CSMD3: variants seen among roughly 807,000 people sequenced by gnomAD.
CSMD3 encodes the protein CUB and Sushi multiple domains 3.
Under a neutral mutation model 435.2 loss-of-function variants are expected in CSMD3, and 177 were observed. The observed-to-expected ratio is 0.41, with a 90% CI of 0.36 to 0.46. The LOEUF (loss-of-function observed/expected upper bound fraction) is 0.46, where lower values mean the gene tolerates loss of function less well. Ranked by LOEUF, CSMD3 falls within the 20% of genes least tolerant of loss-of-function variation. The pLI is 0.34. For synonymous variants in CSMD3, 1,656 were observed against 1,520.5 expected, an observed-to-expected ratio of 1.09 and a Z score of -2.07; for missense variants, 4,265 against 4,504.6, an observed-to-expected ratio of 0.95 and a Z score of 1.52.
intron 3 of CSMD3, among the ~76,000 whole-genome samples, chr8:113,237,188 A>G (rs1427781361): frequency 6.6e-6 from 1 of 152,202 alleles, no homozygotes; most frequent in Non-Finnish European, 1.5e-5. Context: ...TTTACAATAA[A>G]GGATGCCTAA....
intron 32 of CSMD3, among the ~76,000 whole-genome samples, chr8:112,451,546 T>C (rs1190269393): frequency 6.6e-6 from 1 of 151,936 alleles, no homozygotes; most frequent in Non-Finnish European, 1.5e-5. Context: ...ATCTTCTCTT[T>C]TTTTTTTTTG....
chr8:113,195,365 A>G (rs1406191865), intron 3 of CSMD3, among the ~76,000 whole-genome samples: 1 of 150,886 alleles, frequency 6.6e-6, no homozygotes, highest in Non-Finnish European at 1.5e-5. Context: ...TACAAGTCAG[A>G]AAAAAGGTGT....
Position 113,044,159 on chromosome 8 carries a change from T to A in CSMD3, c.918-24980A>T, listed in dbSNP as rs573900784. 1.7e-4 allele frequency among the ~76,000 whole-genome samples: 26 copies of A among 152,174 alleles called. 1 individual carries two copies. The highest frequency in any genetic ancestry group is 1.5e-3 in the Admixed American group (23 of 15,292). ...GATGAAGAAATGAGGATAATTAATATCTGAGATTGATATTTCAAAGTATTA... is the reference window on the plus strand; with the variant it reads ...GATGAAGAAATGAGGATAATTAATAACTGAGATTGATATTTCAAAGTATTA... On this transcript the variant is annotated intron_variant, in intron 5 of 70. Transcript: ENST00000297405.
chr8:112,555,586 G>T lies in CSMD3; in HGVS notation c.4234+1177C>A, dbSNP rs1236212637. 2.0e-5 allele frequency among the ~76,000 whole-genome samples: 3 copies of T among 151,942 alleles called. No homozygotes were observed. In the East Asian group the frequency reaches 5.8e-4, roughly 29 times the overall value. ...CCAAAATTCAGATGCCGTCTGAAAA[G>T]TAAGAACTGTGATTGCATTTTAGTT... On this transcript the variant is annotated intron_variant, in intron 25 of 70. Transcript: ENST00000297405.
chr8:112,430,731 A>G (rs1347910991), intron 32 of CSMD3, among the ~76,000 whole-genome samples: 1 of 152,098 alleles, frequency 6.6e-6, no homozygotes, highest in Non-Finnish European at 1.5e-5. Flanking sequence ...ACTGATGGCA[A>G]CTGCTGATTT....
intron 59 of CSMD3, among the ~76,000 whole-genome samples, chr8:112,266,448 A>T (rs146722213): frequency 7.6e-4 from 116 of 152,344 alleles, no homozygotes; most frequent in African/African-American, 2.7e-3. Context: ...GCACATGAGC[A>T]GAAGCTCCAA....
At chr8:112,388,612 T>C (rs1480996129) in intron 36 of CSMD3, among the ~76,000 whole-genome samples, 1 of 152,102 alleles carries the variant, frequency 6.6e-6, no homozygotes, top group Non-Finnish European at 1.5e-5. Context: ...GTTTTAGAGG[T>C]TGAATTTGAC....
chr8:112,500,185 G>T (rs1341340953), intron 30 of CSMD3, among the ~76,000 whole-genome samples: 1 of 151,686 alleles, frequency 6.6e-6, no homozygotes, highest in East Asian at 1.9e-4. Context: ...TAAAACAGAG[G>T]AAATAACATA....
intron 1 of CSMD3, among the ~76,000 whole-genome samples, chr8:113,357,801 T>C (rs190152678): frequency 1.3e-5 from 2 of 152,290 alleles, no homozygotes; most frequent in East Asian, 1.9e-4. Flanking sequence ...TAAAGGTGTA[T>C]AGCACTTCCC....
At chr8:112,606,262 G>C (rs904624979) in intron 22 of CSMD3, among the ~76,000 whole-genome samples, 1 of 152,142 alleles carries the variant, frequency 6.6e-6, no homozygotes, top group South Asian at 2.1e-4. Flanking sequence ...GGAAAGTAAA[G>C]GCATAGTGAC....
chr8:113,020,460 A>T (rs2131179453), intron 5 of CSMD3, among the ~76,000 whole-genome samples: 1 of 152,304 alleles, frequency 6.6e-6, no homozygotes, highest in South Asian at 2.1e-4. Context: ...ATCATGAAAT[A>T]GAAAAATACT....
intron 16 of CSMD3, among the ~76,000 whole-genome samples, chr8:112,671,998 GA>G (rs986269033): frequency 6.6e-6 from 1 of 151,526 alleles, no homozygotes; most frequent in Non-Finnish European, 1.5e-5. Flanking sequence ...TGCTGAAATT[GA>G]AAAAAAATTC....
At chr8:112,420,927 T>A (rs1812426400) in intron 32 of CSMD3, among the ~76,000 whole-genome samples, 1 of 152,128 alleles carries the variant, frequency 6.6e-6, no homozygotes, top group South Asian at 2.1e-4. Context: ...CCACTCTGCA[T>A]GTTGCCTCCT....
At chr8:112,254,918 A>C (rs951642300) in intron 62 of CSMD3, among the ~76,000 whole-genome samples, 1 of 152,106 alleles carries the variant, frequency 6.6e-6, no homozygotes, top group Non-Finnish European at 1.5e-5. Flanking sequence ...ATATTTTTGG[A>C]GCAAATCTAA....
At chr8:112,532,763 C>T (rs1461530315) in intron 27 of CSMD3, among the ~76,000 whole-genome samples, 5 of 151,846 alleles carry the variant, frequency 3.3e-5, no homozygotes, top group African/African-American at 9.7e-5. Flanking sequence ...AAGTATAAAA[C>T]TCACTGGTAA....
At chr8:112,967,063 A>G (rs996675104) in intron 7 of CSMD3, among the ~76,000 whole-genome samples, 1 of 151,890 alleles carries the variant, frequency 6.6e-6, no homozygotes, top group Non-Finnish European at 1.5e-5. Context: ...AGAAATGCGA[A>G]ATCTCAGATC....
intron 1 of CSMD3, among the ~76,000 whole-genome samples, chr8:113,335,315 A>G (rs2094063885): frequency 6.6e-6 from 1 of 152,100 alleles, no homozygotes; most frequent in African/African-American, 2.4e-5. Context: ...ATTTCTTTAT[A>G]GCAGTGCAAG....
chr8:112,599,603 A>T (rs1832121555), intron 22 of CSMD3, among the ~76,000 whole-genome samples: 2 of 144,812 alleles, frequency 1.4e-5, no homozygotes, highest in Admixed American at 6.8e-5. Flanking sequence ...ACAATAGCAA[A>T]GACTTGGAAC....
At chr8:113,208,718 T>C (rs2092799397) in intron 3 of CSMD3, among the ~76,000 whole-genome samples, 1 of 152,076 alleles carries the variant, frequency 6.6e-6, no homozygotes, top group Non-Finnish European at 1.5e-5. Context: ...TTCATTAATC[T>C]TTTTTAATGC....
Sources: allele counts gnomAD v4.1 joint callset (sites outside exome capture counted in the v4.1 genomes callset), GRCh38; gene constraint gnomAD v4.1.1; transcripts MANE v1.5; gene names NCBI Gene and HGNC (gene_info 2026-07-23, HGNC 2026-07-21).